THSD7B: variants seen among roughly 807,000 people sequenced by gnomAD.
The protein encoded by THSD7B is thrombospondin type 1 domain containing 7B.
THSD7B carries 138 observed loss-of-function variants against 213.6 expected under a neutral mutation model. That is an observed-to-expected ratio of 0.65 (90% CI 0.56 to 0.74). The LOEUF is 0.74. Ranked by LOEUF, THSD7B falls within the 30% of genes least tolerant of loss-of-function variation. The pLI is 0.00. For missense variants in THSD7B, 1,931 were observed against 1,991.5 expected (o/e 0.97, Z 0.58); for synonymous variants, 742 against 687.0 (o/e 1.08, Z -1.25).
At chr2:137,671,727 A>T (rs1296021336) in intron 27 of THSD7B, among the ~76,000 whole-genome samples, 1 of 152,122 alleles carries the variant, frequency 6.6e-6, no homozygotes, top group Non-Finnish European at 1.5e-5. Context: ...GTTTATAGGG[A>T]TTACAACTCA....
intron 20 of THSD7B, among the ~76,000 whole-genome samples, chr2:137,633,887 G>T (rs1573755778): frequency 6.6e-6 from 1 of 152,032 alleles, no homozygotes; most frequent in Admixed American, 6.6e-5. Flanking sequence ...ATGACAAAAG[G>T]TATCATACAA....
At chr2:136,779,010 G>A (rs959590140) in intron 1 of THSD7B, among the ~76,000 whole-genome samples, 13 of 152,128 alleles carry the variant, frequency 8.5e-5, no homozygotes, top group African/African-American at 3.1e-4. Context: ...AACAAGTCAA[G>A]CAAAACTATG....
intron 15 of THSD7B, among the ~76,000 whole-genome samples, chr2:137,543,240 A>G (rs1420503110): frequency 2.0e-5 from 3 of 151,862 alleles, no homozygotes; most frequent in Non-Finnish European, 4.4e-5. Flanking sequence ...TCCCTAACAC[A>G]AGATCCTTAA....
intron 15 of THSD7B, among the ~76,000 whole-genome samples, chr2:137,453,540 A>G (rs1687698455): frequency 6.6e-6 from 1 of 151,966 alleles, no homozygotes; most frequent in Non-Finnish European, 1.5e-5. Flanking sequence ...TGTGTTAGCC[A>G]TGATGGTCTC....
intron 2 of THSD7B, among the ~76,000 whole-genome samples, chr2:136,950,168 C>T (rs890208802): frequency 1.3e-5 from 2 of 152,140 alleles, no homozygotes; most frequent in African/African-American, 4.8e-5. Context: ...AGGAGAATTG[C>T]TTGAACCTGG....
intron 12 of THSD7B, among the ~76,000 whole-genome samples, chr2:137,305,649 A>G (rs1425044049): frequency 6.6e-6 from 1 of 152,124 alleles, no homozygotes; most frequent in East Asian, 1.9e-4. Context: ...ATGCAGATGA[A>G]CTACCAAAGT....
At chr2:137,608,457 C>T (rs895526649) in intron 17 of THSD7B, among the ~76,000 whole-genome samples, 1 of 151,998 alleles carries the variant, frequency 6.6e-6, no homozygotes. Context: ...CAAATTAGAC[C>T]TCCCAGATTG....
At chr2:137,085,728 A>G (rs1418425647) in intron 3 of THSD7B, among the ~76,000 whole-genome samples, 1 of 152,182 alleles carries the variant, frequency 6.6e-6, no homozygotes, top group African/African-American at 2.4e-5. Context: ...ATGAAATGGT[A>G]AAGTGTAAAA....
intron 2 of THSD7B, among the ~76,000 whole-genome samples, chr2:136,886,859 C>A (rs537348145): frequency 9.9e-5 from 15 of 152,188 alleles, no homozygotes; most frequent in African/African-American, 3.1e-4. Flanking sequence ...GTTAGAAATT[C>A]TTGTGGAGGT....
intron 2 of THSD7B, among the ~76,000 whole-genome samples, chr2:136,921,786 C>T (rs1684442627): frequency 6.6e-6 from 1 of 151,890 alleles, no homozygotes; most frequent in Non-Finnish European, 1.5e-5. Context: ...GTTTTCATTA[C>T]AGTCAAAAGA....
At chr2:137,399,727 G>A (rs550548067) in intron 12 of THSD7B, among the ~76,000 whole-genome samples, 50 of 151,970 alleles carry the variant, frequency 3.3e-4, no homozygotes, top group African/African-American at 1.1e-3. Context: ...TTCTGTATCT[G>A]GATATCTAAA....
chr2:137,405,844 C>T (rs374711803), intron 13 of THSD7B, 37 bp downstream of exon 13: 1 of 1,536,758 alleles, frequency 6.5e-7, no homozygotes, highest in Admixed American at 2.0e-5. Flanking sequence ...ATCAGGCAAG[C>T]TGAACATCTC....
intron 24 of THSD7B, among the ~76,000 whole-genome samples, 157 bp downstream of exon 24, chr2:137,657,317 G>A (rs1241187507): frequency 2.0e-5 from 3 of 152,138 alleles, no homozygotes; most frequent in African/African-American, 7.2e-5. Flanking sequence ...TTGCATCTTA[G>A]AAAGAAAGCA....
chr2:137,397,638 G>C (rs1294446853), intron 12 of THSD7B, among the ~76,000 whole-genome samples: 1 of 148,688 alleles, frequency 6.7e-6, no homozygotes, highest in Non-Finnish European at 1.5e-5. Context: ...TGACAATTAT[G>C]TGTCTTGGAG....
intron 15 of THSD7B, among the ~76,000 whole-genome samples, chr2:137,472,150 A>T (rs1435718782): frequency 6.6e-6 from 1 of 152,206 alleles, no homozygotes; most frequent in Non-Finnish European, 1.5e-5. Context: ...GTAGCTGCTC[A>T]TAATATTAAC....
intron 7 of THSD7B, among the ~76,000 whole-genome samples, chr2:137,195,685 G>A (rs2105018766): frequency 6.6e-6 from 1 of 152,118 alleles, no homozygotes; most frequent in South Asian, 2.1e-4. Context: ...TGGGGAGAAA[G>A]CAAAGCTCTT....
At chr2:136,826,883 A>G (rs1682653568) in intron 1 of THSD7B, among the ~76,000 whole-genome samples, 1 of 152,204 alleles carries the variant, frequency 6.6e-6, no homozygotes, top group Non-Finnish European at 1.5e-5. Flanking sequence ...AGCATTGAGC[A>G]TAATAATCTC....
At chr2:136,773,690 T>A (rs1050421482) in intron 1 of THSD7B, among the ~76,000 whole-genome samples, 1 of 152,178 alleles carries the variant, frequency 6.6e-6, no homozygotes, top group East Asian at 1.9e-4. Context: ...GGCCACCATA[T>A]TGAACATGCC....
At chr2:136,806,702 C>A (rs1682288540) in intron 1 of THSD7B, among the ~76,000 whole-genome samples, 1 of 152,196 alleles carries the variant, frequency 6.6e-6, no homozygotes, top group Admixed American at 6.5e-5. Flanking sequence ...AACTATTGAA[C>A]AAATAGTTTC....
Sources: allele counts gnomAD v4.1 joint callset (sites outside exome capture counted in the v4.1 genomes callset), GRCh38; gene constraint gnomAD v4.1.1; transcripts MANE v1.5; gene names NCBI Gene and HGNC (gene_info 2026-07-23, HGNC 2026-07-21).